TMEM260: variants seen among roughly 807,000 people sequenced by gnomAD.
TMEM260 encodes the protein transmembrane protein 260.
Under a neutral mutation model 88.9 loss-of-function variants are expected in TMEM260, and 82 were observed. The observed-to-expected ratio is 0.92, with a 90% confidence interval of 0.77 to 1.11. The LOEUF (loss-of-function observed/expected upper bound fraction) is 1.11. Among genes scored for constraint, TMEM260 ranks in the 50% least tolerant of loss-of-function variants. TMEM260 has a pLI of 0.00. For missense variants in TMEM260, 902 were observed against 853.4 expected (o/e 1.06, Z -0.71); for synonymous variants, 314 against 309.3 (o/e 1.02, Z -0.16).
chr14:56,647,275 G>A lies in TMEM260; in HGVS notation c.1902G>A (p.Glu634=), dbSNP rs1206675568. 1.2e-6 allele frequency: 2 copies of A among 1,613,912 alleles called. No homozygotes were observed. Among genetic ancestry groups the A allele is most frequent in the African/African-American group, 1.3e-5 (1 of 75,000 alleles). Reference sequence around the variant, plus strand: ...AGGAGATTGTCTATTTACAAAAGGAGCACCCAGTGAATTGGCACAAGAACT... The same window carrying A: ...AGGAGATTGTCTATTTACAAAAGGAACACCCAGTGAATTGGCACAAGAACT... ...LYKEIVYLQK[E]HPVNWHKNYA... is the part of the protein sequence containing the mutation. The change falls in exon 16 of 16, where the codon GAG becomes GAA. Residue 634 remains glutamate, a synonymous_variant. Coordinates refer to ENST00000261556, the MANE Select transcript of TMEM260 (RefSeq NM_017799.4).
downstream of TMEM260, among the ~76,000 whole-genome samples, chr14:56,651,496 T>C (rs1248920703): frequency 6.6e-6 from 1 of 152,234 alleles, no homozygotes; most frequent in South Asian, 2.1e-4. Flanking sequence ...CCAACAATTA[T>C]TGGCCTGAAA....
Position 56,636,526 on chromosome 14 carries a change from C to T in TMEM260, c.1797C>T (p.Phe599=), listed in dbSNP as rs577154665. Reference sequence around the variant, plus strand: ...CCCCCAGGATGAAAACACCGTTCTTCATCTTTAACCTGGCAGAAACTGCTC... The same window carrying T: ...CCCCCAGGATGAAAACACCGTTCTTTATCTTTAACCTGGCAGAAACTGCTC... ...MWQARMKTPF[F]IFNLAETAHM... Residue 599 remains phenylalanine (F), a synonymous_variant, in exon 15 of 16, where the codon TTC becomes TTT. Coordinates refer to ENST00000261556, the MANE Select transcript of TMEM260 (RefSeq NM_017799.4). 6.2e-7 allele frequency: 1 copy of T among 1,614,004 alleles called. No homozygotes were observed. The highest frequency in any genetic ancestry group is 1.1e-5 in the South Asian group (1 of 91,082).
At chr14:56,599,534 GTA>G (rs1886441070) in intron 3 of TMEM260, among the ~76,000 whole-genome samples, 2 of 152,100 alleles carry the variant, frequency 1.3e-5, no homozygotes, top group South Asian at 4.1e-4. Flanking sequence ...CCACTAGTTT[GTA>G]TATGTTACAT....
chr14:56,650,904 G>A (rs943667427), downstream of TMEM260, among the ~76,000 whole-genome samples: 10 of 151,944 alleles, frequency 6.6e-5, no homozygotes, highest in Non-Finnish European at 1.2e-4. Context: ...TGTTACTCCC[G>A]ACTTCTGGTG....
chr14:56,581,921 G>A (rs1885163815), intron 1 of TMEM260, among the ~76,000 whole-genome samples: 1 of 152,032 alleles, frequency 6.6e-6, no homozygotes. Context: ...TTATTGCCTT[G>A]CCTTTATTAA....
In TMEM260 at chr14:56,603,717, G is replaced by C. The variant is rs531046901; in HGVS notation, c.345-98G>C. 6.1e-6 allele frequency: 8 copies of C among 1,301,686 alleles called. No homozygotes were observed. The South Asian group carries it at 9.9e-5, about 16-fold the overall frequency. 80.6% of individuals were successfully genotyped at this position (1,301,686 alleles called of 1,614,324 possible). On this transcript the variant is annotated intron_variant, in intron 3 of 15. Coordinates refer to ENST00000261556, the MANE Select transcript of TMEM260 (RefSeq NM_017799.4). ...ATATAATGTGTTGGAGTAGTGCTGG[G>C]TGACTATCATAATTTCTGCTGGTAC...
intron 5 of TMEM260, among the ~76,000 whole-genome samples, chr14:56,608,884 C>T (rs914110387): frequency 7.9e-5 from 12 of 152,300 alleles, no homozygotes; most frequent in South Asian, 2.1e-4. Context: ...ATTTGCTTCA[C>T]TCAGCTTTCA....
At chr14:56,621,211 A>T (rs1460312436) in intron 10 of TMEM260, among the ~76,000 whole-genome samples, 1 of 152,208 alleles carries the variant, frequency 6.6e-6, no homozygotes, top group East Asian at 1.9e-4. Flanking sequence ...TGGAATCAGA[A>T]ATCTTACTTT....
chr14:56,613,310 C>T (rs1031102933), intron 7 of TMEM260: 4 of 152,060 alleles, frequency 2.6e-5, no homozygotes, highest in Admixed American at 6.5e-5. Flanking sequence ...CTCACAGTTT[C>T]GGTGTAATTT....
rs548127922 is a variant in TMEM260, at chr14:56,605,702, T to TA, written c.636+27dup. The TA allele has an allele frequency of 6.4e-5, 90 of 1,398,724 alleles. No homozygotes were observed. Among genetic ancestry groups the TA allele is most frequent in the East Asian group, 1.6e-4 (7 of 43,016 alleles). The allele number at this position is 1,398,724 out of a possible 1,614,324, so 86.6% of individuals were successfully genotyped here. A position where few individuals can be genotyped will look rare whatever the true frequency, so the allele number is the denominator to read the frequency against. ...AAAGAAGGTACGTTTTTGAATTTTGTAAAAAAAAGTACAATATTTTACTTA... is the reference window on the plus strand; with the variant it reads ...AAAGAAGGTACGTTTTTGAATTTTGTAAAAAAAAAGTACAATATTTTACTTA... On this transcript the variant is annotated intron_variant, in intron 5 of 15. Transcript: ENST00000261556.
rs188356449 is a variant in TMEM260, at chr14:56,641,817, G to A, written c.1869+5219G>A. 9.1e-4 allele frequency among the ~76,000 whole-genome samples: 139 copies of A among 152,318 alleles called. 2 individuals carry two copies. The highest frequency in any genetic ancestry group is 6.8e-3 in the Middle Eastern group (2 of 294). ...ATAGGCTCAAAATAAAGGGTTGGAG[G>A]AAGATCTATCAAGCAAATGGAAAAC... On this transcript the variant is annotated intron_variant, in intron 15 of 15. Coordinates refer to ENST00000261556, the MANE Select transcript of TMEM260 (RefSeq NM_017799.4).
the TMEM260 span, among the ~76,000 whole-genome samples, chr14:56,661,843 C>T: frequency 6.6e-6 from 1 of 152,210 alleles, no homozygotes; most frequent in Admixed American, 6.5e-5. Flanking sequence ...CTCCCGTCCA[C>T]ACATGTGTAT....
At position 56,605,559 on chromosome 14, in the gene TMEM260, T is replaced by C. The variant is rs2139557452; in HGVS notation, c.523-11T>C. 1 of 1,446,958 alleles carries C rather than the reference T, an allele frequency of 6.9e-7. No individual in the cohort carries two copies. Among genetic ancestry groups the C allele is most frequent in the African/African-American group, 1.4e-5 (1 of 69,152 alleles). 89.6% of individuals were successfully genotyped at this position (1,446,958 alleles called of 1,614,324 possible). On this transcript the variant is annotated splice_polypyrimidine_tract_variant and intron_variant, in intron 4 of 15. Coordinates refer to ENST00000261556, the MANE Select transcript of TMEM260 (RefSeq NM_017799.4). Reference sequence around the variant, plus strand: ...TTTTTTACTTAATTTTTTTTTTTAATTTATTTTCAGGTAGCTAAAATTGGT... The same window carrying C: ...TTTTTTACTTAATTTTTTTTTTTAACTTATTTTCAGGTAGCTAAAATTGGT...
chr14:56,601,139 A>G (rs1383499485), intron 3 of TMEM260, among the ~76,000 whole-genome samples: 2 of 152,218 alleles, frequency 1.3e-5, no homozygotes, highest in African/African-American at 4.8e-5. Flanking sequence ...TTTACTTTAC[A>G]TTCTTCAATT....
At chr14:56,620,776 G>A (rs1351583761) in intron 10 of TMEM260, among the ~76,000 whole-genome samples, 2 of 152,100 alleles carry the variant, frequency 1.3e-5, no homozygotes, top group Non-Finnish European at 1.5e-5. Flanking sequence ...ATAACAGAAA[G>A]GACATTGCTT....
rs1414035657 is a variant in TMEM260 at position 56,617,375 on chromosome 14, G to T, written c.1056+78G>T. On this transcript the variant is annotated intron_variant, in intron 9 of 15. Transcript: ENST00000261556. ...AAATTTGCATTTCATAAATCTTGTA[G>T]AAGGGCAAATTACTTGAGGAATAGT... 4 of 858,876 alleles carry T rather than the reference G, an allele frequency of 4.7e-6. No homozygotes were observed. The African/African-American group carries it at 5.3e-5, about 11-fold the overall frequency. 53.2% of individuals were successfully genotyped at this position (858,876 alleles called of 1,614,324 possible). A position where few individuals can be genotyped will look rare whatever the true frequency, so the allele number is the denominator to read the frequency against.
intron 15 of TMEM260, among the ~76,000 whole-genome samples, chr14:56,642,223 T>G (rs1044480659): frequency 6.6e-6 from 1 of 152,132 alleles, no homozygotes; most frequent in Non-Finnish European, 1.5e-5. Flanking sequence ...CAGCACCGCA[T>G]TGCACTTATT....
chr14:56,585,692 C>A, intron 2 of TMEM260, 69 bp from the exon 3 acceptor site: 1 of 1,475,226 alleles, frequency 6.8e-7, no homozygotes, highest in Non-Finnish European at 9.2e-7. Context: ...GGCTACTTTT[C>A]AATTAAGGCC....
downstream of TMEM260, chr14:56,650,192 G>A (rs1043423133): frequency 4.6e-5 from 19 of 414,494 alleles, no homozygotes; most frequent in Middle Eastern, 1.0e-3. Context: ...GCAGTGTCCC[G>A]GGAGTGCCAT....
Sources: gnomAD v4.1 joint callset for allele counts (sites outside exome capture counted in the v4.1 genomes callset) on GRCh38, gnomAD v4.1.1 for gene constraint, MANE v1.5 for transcripts, NCBI Gene and HGNC (gene_info 2026-07-23, HGNC 2026-07-21) for gene names.